ALKBH3: variants seen among roughly 807,000 people sequenced by gnomAD.
ALKBH3 encodes alpha-ketoglutarate-dependent dioxygenase alkB homolog 3.
A neutral mutation model predicts 43.9 loss-of-function variants in ALKBH3; 51 were observed. That is an observed-to-expected ratio of 1.16 (90% CI 0.93 to 1.47). The LOEUF (loss-of-function observed/expected upper bound fraction) is 1.47. ALKBH3 is among the 40% of genes most tolerant of loss of function. ALKBH3 has a pLI of 0.00. For missense variants in ALKBH3, 361 were observed against 351.9 expected (o/e 1.03, Z -0.21); for synonymous variants, 102 against 115.2 (o/e 0.89, Z 0.73).
intron 1 of ALKBH3, among the ~76,000 whole-genome samples, chr11:43,881,636 T>G (rs1320825134): frequency 1.3e-5 from 2 of 152,196 alleles, no homozygotes; most frequent in African/African-American, 2.4e-5. Flanking sequence ...TACATGCTTA[T>G]CATCTGGGGG....
chr11:43,905,950 G>T (rs562071990), intron 8 of ALKBH3, among the ~76,000 whole-genome samples: 1 of 152,306 alleles, frequency 6.6e-6, no homozygotes, highest in East Asian at 1.9e-4. Context: ...TGGCTGGGGG[G>T]TGTTATTAGA....
rs114344271 is a variant in ALKBH3, at chr11:43,886,011, A to G, written c.219-595A>G. 2.7e-3 allele frequency among the ~76,000 whole-genome samples: 404 copies of G among 152,318 alleles called. 1 individual carries two copies. Among genetic ancestry groups the G allele is most frequent in the African/African-American group, 9.4e-3 (390 of 41,568 alleles). ...CCGGGTGATGGGGTGGCATTTCAGC[A>G]TGGAAAAGCATGGAGTTAGAAACGT... On this transcript the variant is annotated intron_variant, in intron 4 of 9. Transcript: ENST00000302708.
intron 4 of ALKBH3, among the ~76,000 whole-genome samples, chr11:43,884,475 C>A (rs1310842761): frequency 6.7e-6 from 1 of 148,612 alleles, no homozygotes; most frequent in Admixed American, 6.8e-5. Context: ...TATTCCAGAA[C>A]AATTTAAATG....
At chr11:43,917,398 G>T (rs1951992406) in intron 8 of ALKBH3, among the ~76,000 whole-genome samples, 1 of 152,164 alleles carries the variant, frequency 6.6e-6, no homozygotes, top group African/African-American at 2.4e-5. Flanking sequence ...GTGGTTAAGT[G>T]TCTTTCCTTT....
chr11:43,889,862 C>A, intron 6 of ALKBH3, 34 bp downstream of exon 6: 1 of 1,522,046 alleles, frequency 6.6e-7, no homozygotes, highest in Non-Finnish European at 9.1e-7. Flanking sequence ...GTTGGTGCTG[C>A]GTGTTCTCCC....
At chr11:43,882,804 GGTT>G in intron 2 of ALKBH3, 73 bp downstream of exon 2, 1 of 1,406,676 alleles carries the variant, frequency 7.1e-7, no homozygotes. Flanking sequence ...ATATCCTTTT[GGTT>G]TATAATGGAC....
intron 7 of ALKBH3, among the ~76,000 whole-genome samples, chr11:43,894,400 A>G (rs1224702228): frequency 1.3e-5 from 2 of 152,230 alleles, no homozygotes; most frequent in Non-Finnish European, 2.9e-5. Flanking sequence ...TCTTCACTGA[A>G]CAGTGAGATA....
At chr11:43,898,006 T>C (rs748531849) in intron 7 of ALKBH3, 217 of 843,718 alleles carry the variant, frequency 2.6e-4, no homozygotes, top group Non-Finnish European at 4.1e-4. Flanking sequence ...TTCAGAGACA[T>C]CTTCGTCATC....
chr11:43,881,743 A>G (rs968213688), intron 1 of ALKBH3, among the ~76,000 whole-genome samples: 2 of 152,242 alleles, frequency 1.3e-5, no homozygotes, highest in Non-Finnish European at 2.9e-5. Context: ...TAAGCAAGCT[A>G]TTAATATAAA....
At chr11:43,901,980 G>C (rs1951867073) in intron 8 of ALKBH3, among the ~76,000 whole-genome samples, 1 of 152,118 alleles carries the variant, frequency 6.6e-6, no homozygotes, top group Non-Finnish European at 1.5e-5. Context: ...TAAACTCCCT[G>C]TCCTCCTGGA....
chr11:43,883,985 A>G lies in ALKBH3; in HGVS notation c.186A>G (p.Val62=). 6.2e-7 allele frequency: 1 copy of G among 1,613,874 alleles called. No homozygotes were observed. The highest frequency in any genetic ancestry group is 8.5e-7 in the Non-Finnish European group (1 of 1,179,862). ...AAGATCCGCCTATTTCCTTGCAGGT[A>G]GTACGTAGAGCTCCTGAGCCACGAG... ...REFVFKEPQQ[V]VRRAPEPRVI... is the part of the protein sequence containing the mutation. The change falls in exon 4 of 10, where the codon GTA becomes GTG. Residue 62 remains valine (V), a splice_region_variant and synonymous_variant. Coordinates refer to ENST00000302708, the MANE Select transcript of ALKBH3 (RefSeq NM_139178.4).
intron 8 of ALKBH3, chr11:43,912,151 AG>A (rs1412886470): frequency 6.6e-6 from 1 of 152,466 alleles, no homozygotes; most frequent in East Asian, 1.9e-4. Flanking sequence ...AAAAACAAGA[AG>A]GGAGCATAGA....
intron 6 of ALKBH3, among the ~76,000 whole-genome samples, chr11:43,890,269 A>G (rs1011936536): frequency 5.9e-5 from 9 of 152,104 alleles, no homozygotes; most frequent in African/African-American, 2.2e-4. Flanking sequence ...CTTTTGCCAG[A>G]AGAGTCCAGT....
chr11:43,908,872 C>G (rs547883796), intron 8 of ALKBH3, among the ~76,000 whole-genome samples: 1 of 152,158 alleles, frequency 6.6e-6, no homozygotes, highest in South Asian at 2.1e-4. Flanking sequence ...GAGCTTGTGC[C>G]GCAGCCAACA....
chr11:43,894,431 C>T (rs1345537272), intron 7 of ALKBH3, among the ~76,000 whole-genome samples: 1 of 152,216 alleles, frequency 6.6e-6, no homozygotes, highest in Non-Finnish European at 1.5e-5. Context: ...TTAATTTAGA[C>T]ATTCAGTTCT....
At chr11:43,898,301 T>C (rs1187778889) in intron 7 of ALKBH3, 6 of 728,688 alleles carry the variant, frequency 8.2e-6, no homozygotes, top group South Asian at 1.6e-5. Context: ...GATTTTAATA[T>C]TGACAAAGCC....
At chr11:43,916,849 G>A (rs1284674036) in intron 8 of ALKBH3, 12 of 152,222 alleles carry the variant, frequency 7.9e-5, no homozygotes, top group East Asian at 1.9e-4. Flanking sequence ...CTCTGGCCTC[G>A]AGGGAAGGAT....
rs1951843772 is a variant in ALKBH3 at position 43,899,340 on chromosome 11, C to A, written c.460-2176C>A. 4 of 696,210 alleles carry A rather than the reference C, an allele frequency of 5.7e-6. No homozygotes were observed. The Admixed American group carries it at 7.2e-5, about 13-fold the overall frequency. The allele number at this position is 696,210 out of a possible 1,614,324, so 43.1% of individuals were successfully genotyped here. On this transcript the variant is annotated intron_variant, in intron 7 of 9. Transcript: ENST00000302708. ...CTGCAGTGGAAATTCCACAGCATGC[C>A]CGTGTGCACCATCAGCAGCCTGCCC...
chr11:43,917,947 T>G (rs34911222), intron 8 of ALKBH3, among the ~76,000 whole-genome samples: 8,124 of 152,280 alleles, frequency 0.053, 697 homozygotes, highest in African/African-American at 0.18. Flanking sequence ...CATGATTGTT[T>G]TGATTTTGAT....
Sources: gnomAD v4.1 joint callset for allele counts (sites outside exome capture counted in the v4.1 genomes callset) on GRCh38, gnomAD v4.1.1 for gene constraint, MANE v1.5 for transcripts, NCBI Gene and HGNC (gene_info 2026-07-23, HGNC 2026-07-21) for gene names.